Variants in AGBL1 observed in about 807,000 individuals in gnomAD.
AGBL1 encodes cytosolic carboxypeptidase 4.
Under a neutral mutation model 118.9 loss-of-function variants are expected in AGBL1, and 130 were observed. The observed-to-expected ratio is 1.09, with a 90% CI of 0.95 to 1.26. AGBL1 has a LOEUF of 1.26. AGBL1 is among the 50% of genes most tolerant of loss of function. The pLI is 0.00. For synonymous variants in AGBL1, 555 were observed against 478.9 expected, an observed-to-expected ratio of 1.16 and a Z score of -2.08; for missense variants, 1,584 against 1,298.1, an observed-to-expected ratio of 1.22 and a Z score of -3.38.
At chr15:86,503,608 A>T (rs907709739) in intron 18 of AGBL1, among the ~76,000 whole-genome samples, 1 of 151,220 alleles carries the variant, frequency 6.6e-6, no homozygotes, top group African/African-American at 2.4e-5. Context: ...GTTTTATCCT[A>T]TAAGGTTTGG....
intron 6 of AGBL1, among the ~76,000 whole-genome samples, chr15:86,246,215 C>T (rs1001841807): frequency 6.6e-6 from 1 of 152,146 alleles, no homozygotes; most frequent in African/African-American, 2.4e-5. Flanking sequence ...ATCTTGGGGT[C>T]TCTTTCAAGA....
chr15:86,359,721 C>T (rs1489663104), intron 17 of AGBL1, among the ~76,000 whole-genome samples: 8 of 151,766 alleles, frequency 5.3e-5, no homozygotes, highest in Admixed American at 5.3e-4. Context: ...TTTCCTTCAC[C>T]AATATTTTGT....
chr15:86,745,090 C>T (rs2077736276), intron 22 of AGBL1, among the ~76,000 whole-genome samples: 1 of 152,106 alleles, frequency 6.6e-6, no homozygotes, highest in East Asian at 1.9e-4. Flanking sequence ...TGATCCATTT[C>T]TTATATATGT....
chr15:86,990,648 T>C (rs1257711236), intron 24 of AGBL1, among the ~76,000 whole-genome samples: 1 of 152,186 alleles, frequency 6.6e-6, no homozygotes, highest in Non-Finnish European at 1.5e-5. Flanking sequence ...ATTTCACAGC[T>C]TCAACAGGTA....
chr15:86,297,492 G>A (rs1205219658), intron 17 of AGBL1, among the ~76,000 whole-genome samples: 1 of 152,132 alleles, frequency 6.6e-6, no homozygotes, highest in African/African-American at 2.4e-5. Flanking sequence ...AAGGGGCCTT[G>A]CCTTTTCATT....
intron 22 of AGBL1, among the ~76,000 whole-genome samples, chr15:86,788,273 C>T (rs2078443689): frequency 6.6e-6 from 1 of 152,174 alleles, no homozygotes; most frequent in Admixed American, 6.5e-5. Flanking sequence ...GTAAAGAATA[C>T]ATAGCCTGGT....
chr15:86,721,374 T>G (rs183831507), intron 22 of AGBL1, among the ~76,000 whole-genome samples: 24 of 152,236 alleles, frequency 1.6e-4, no homozygotes, highest in Admixed American at 4.6e-4. Flanking sequence ...TAATCCAGCA[T>G]ATAAACAGAA....
chr15:86,687,775 ATTC>A (rs1254854202), intron 22 of AGBL1, among the ~76,000 whole-genome samples: 21 of 152,122 alleles, frequency 1.4e-4, no homozygotes, highest in African/African-American at 5.1e-4. Flanking sequence ...AATTTATATA[ATTC>A]TTCACTATGT....
chr15:86,883,478 G>A (rs2079924916), intron 22 of AGBL1, among the ~76,000 whole-genome samples: 1 of 152,188 alleles, frequency 6.6e-6, no homozygotes, highest in South Asian at 2.1e-4. Context: ...TGAACCTGGA[G>A]AAAATCTCAC....
At chr15:86,689,352 T>G (rs1224339660) in intron 22 of AGBL1, among the ~76,000 whole-genome samples, 1 of 152,128 alleles carries the variant, frequency 6.6e-6, no homozygotes, top group Non-Finnish European at 1.5e-5. Flanking sequence ...GCCTCTAATT[T>G]AGTATTATCT....
At chr15:86,704,355 AC>A in intron 22 of AGBL1, among the ~76,000 whole-genome samples, 1 of 152,346 alleles carries the variant, frequency 6.6e-6, no homozygotes. Context: ...CAGGCACCCT[AC>A]AGAATAGGAG....
intron 22 of AGBL1, among the ~76,000 whole-genome samples, chr15:86,888,550 G>T (rs1054666678): frequency 6.6e-6 from 1 of 152,124 alleles, no homozygotes; most frequent in African/African-American, 2.4e-5. Context: ...AACCAACGAA[G>T]ATCTAGGTAT....
chr15:86,972,108 G>T (rs1433449), intron 23 of AGBL1, among the ~76,000 whole-genome samples: 9,311 of 151,886 alleles, frequency 0.061, 448 homozygotes, highest in East Asian at 0.25. Flanking sequence ...ATACAAAAAC[G>T]AACTAATACA....
intron 18 of AGBL1, among the ~76,000 whole-genome samples, chr15:86,470,401 A>T (rs966377180): frequency 6.6e-6 from 1 of 151,818 alleles, no homozygotes; most frequent in African/African-American, 2.4e-5. Context: ...AATTTCTAAG[A>T]TCTCTATTGT....
At chr15:86,521,923 T>A (rs764404090) in intron 18 of AGBL1, among the ~76,000 whole-genome samples, 10 of 152,042 alleles carry the variant, frequency 6.6e-5, no homozygotes, top group Non-Finnish European at 1.5e-4. Flanking sequence ...ACTTAGCTCA[T>A]TGACCCTACT....
intron 5 of AGBL1, among the ~76,000 whole-genome samples, chr15:86,218,462 T>C (rs945000778): frequency 6.6e-6 from 1 of 152,180 alleles, no homozygotes; most frequent in Non-Finnish European, 1.5e-5. Flanking sequence ...CCTGCCATGA[T>C]CCTCACCTCC....
intron 22 of AGBL1, among the ~76,000 whole-genome samples, chr15:86,745,287 T>A (rs1440205808): frequency 1.3e-5 from 2 of 152,106 alleles, no homozygotes; most frequent in African/African-American, 4.8e-5. Context: ...GAAGGGGTAT[T>A]ATTATCCCCA....
chr15:86,230,711 C>A (rs1044287878), intron 6 of AGBL1, among the ~76,000 whole-genome samples: 1 of 152,228 alleles, frequency 6.6e-6, no homozygotes, highest in Admixed American at 6.5e-5. Context: ...TTTAAAAATT[C>A]GTTCTTATTA....
intron 23 of AGBL1, among the ~76,000 whole-genome samples, chr15:86,924,680 C>T (rs936239793): frequency 6.6e-6 from 1 of 152,120 alleles, no homozygotes; most frequent in Non-Finnish European, 1.5e-5. Flanking sequence ...AGGTTCCCTT[C>T]ATAACTTGGA....
Sources: gnomAD v4.1 joint callset for allele counts (sites outside exome capture counted in the v4.1 genomes callset) on GRCh38, gnomAD v4.1.1 for gene constraint, MANE v1.5 for transcripts, NCBI Gene and HGNC (gene_info 2026-07-23, HGNC 2026-07-21) for gene names.